The following PDE1C variants were observed in gnomAD, a reference collection of about 807,000 sequenced individuals.
The protein encoded by PDE1C is dual specificity calcium/calmodulin-dependent 3',5'-cyclic nucleotide phosphodiesterase 1C.
Under a neutral mutation model 93.1 loss-of-function variants are expected in PDE1C, and 62 were observed. That is an observed-to-expected ratio of 0.67 (90% CI 0.54 to 0.82). The LOEUF (loss-of-function observed/expected upper bound fraction) is 0.82, where lower values mean the gene tolerates loss of function less well. Ranked by LOEUF, PDE1C falls within the 40% of genes least tolerant of loss-of-function variation. The probability of loss-of-function intolerance (pLI) is 0.00; values close to 1 mark genes in which losing one functional copy is unlikely to be tolerated. For synonymous variants in PDE1C, 325 were observed against 310.1 expected (o/e 1.05, Z -0.50); for missense variants, 742 against 884.6 (o/e 0.84, Z 2.04).
chr7:31,764,729 C>A (rs557738174), intron 17 of PDE1C, among the ~76,000 whole-genome samples: 2 of 152,326 alleles, frequency 1.3e-5, no homozygotes, highest in African/African-American at 4.8e-5. Context: ...CCATAAATAA[C>A]TCAATCCTGC....
intron 1 of PDE1C, among the ~76,000 whole-genome samples, chr7:32,328,475 G>A (rs1783446609): frequency 6.6e-6 from 1 of 152,178 alleles, no homozygotes. Flanking sequence ...TCTGCCTGCT[G>A]CAGACCTGCC....
At chr7:31,955,559 G>A (rs1808013826) in intron 2 of PDE1C, among the ~76,000 whole-genome samples, 1 of 152,092 alleles carries the variant, frequency 6.6e-6, no homozygotes, top group African/African-American at 2.4e-5. Context: ...AAAATGGGGT[G>A]GGGCAGTATA....
At chr7:31,622,913 A>T in the PDE1C span, among the ~76,000 whole-genome samples, 1 of 152,242 alleles carries the variant, frequency 6.6e-6, no homozygotes, top group Non-Finnish European at 1.5e-5. Context: ...ATAAAAAATG[A>T]TAAAGGGGAT....
At chr7:32,070,056 T>TC (rs995275991) in intron 1 of PDE1C, among the ~76,000 whole-genome samples, 8 of 151,804 alleles carry the variant, frequency 5.3e-5, no homozygotes, top group African/African-American at 1.9e-4. Flanking sequence ...CATCTCTCCT[T>TC]CCCCCCAAAA....
chr7:32,360,028 T>G (rs1400746129), intron 1 of PDE1C, among the ~76,000 whole-genome samples: 1 of 152,156 alleles, frequency 6.6e-6, no homozygotes, highest in East Asian at 1.9e-4. Flanking sequence ...GATTGCAGAT[T>G]TCTGGGAGAA....
intron 1 of PDE1C, among the ~76,000 whole-genome samples, chr7:32,329,444 G>A (rs1226077935): frequency 3.3e-5 from 5 of 152,226 alleles, no homozygotes; most frequent in Non-Finnish European, 7.4e-5. Flanking sequence ...CTCAATTGCC[G>A]ATGAGCTTTT....
At chr7:32,255,045 T>C (rs1809682099) in intron 1 of PDE1C, among the ~76,000 whole-genome samples, 1 of 152,170 alleles carries the variant, frequency 6.6e-6, no homozygotes, top group South Asian at 2.1e-4. Context: ...CCTTTCCCCA[T>C]TGCCAAAGTA....
chr7:32,285,709 G>A (rs1276373251), intron 1 of PDE1C, among the ~76,000 whole-genome samples: 1 of 149,912 alleles, frequency 6.7e-6, no homozygotes, highest in East Asian at 2.0e-4. Context: ...AAGGAGAGAG[G>A]GGAGGAGAGG....
At chr7:31,978,120 C>A (rs958537996) in intron 2 of PDE1C, among the ~76,000 whole-genome samples, 3 of 152,106 alleles carry the variant, frequency 2.0e-5, no homozygotes, top group African/African-American at 7.2e-5. Context: ...ATACACTGCA[C>A]CCCCACCCAC....
the PDE1C span, among the ~76,000 whole-genome samples, chr7:31,640,640 A>T: frequency 1.4e-5 from 2 of 139,854 alleles, no homozygotes; most frequent in Non-Finnish European, 3.3e-5. Flanking sequence ...TGTCTCGAAA[A>T]ACTTTTTTTT....
intron 1 of PDE1C, among the ~76,000 whole-genome samples, chr7:32,239,053 G>A (rs919537961): frequency 1.3e-5 from 2 of 152,164 alleles, no homozygotes; most frequent in Admixed American, 6.5e-5. Context: ...AATTGCTTGA[G>A]GCCAGGGGTT....
chr7:31,674,786 T>A, the PDE1C span, among the ~76,000 whole-genome samples: 1 of 152,178 alleles, frequency 6.6e-6, no homozygotes, highest in Non-Finnish European at 1.5e-5. Context: ...AATACTTAAA[T>A]GGGAGGGCAA....
At chr7:32,106,707 C>T (rs1359844464) in intron 3 of PDE1C, among the ~76,000 whole-genome samples, 3 of 152,222 alleles carry the variant, frequency 2.0e-5, no homozygotes, top group Non-Finnish European at 4.4e-5. Context: ...CAACCCAATT[C>T]CTCAAGAATT....
At chr7:31,880,294 G>GT (rs1232476404) in intron 3 of PDE1C, among the ~76,000 whole-genome samples, 1 of 152,144 alleles carries the variant, frequency 6.6e-6, no homozygotes. Context: ...AGCGACATAC[G>GT]TAAGACTGAA....
intron 2 of PDE1C, among the ~76,000 whole-genome samples, chr7:32,025,206 T>A (rs553254409): frequency 6.6e-6 from 1 of 152,232 alleles, no homozygotes; most frequent in African/African-American, 2.4e-5. Context: ...AAACTGGGCT[T>A]TTATGGCTGA....
chr7:32,067,078 G>A (rs891173446), intron 1 of PDE1C, among the ~76,000 whole-genome samples: 11 of 152,168 alleles, frequency 7.2e-5, no homozygotes, highest in Admixed American at 5.9e-4. Flanking sequence ...GGGCATGGGC[G>A]CCATCATCAT....
chr7:32,206,504 A>G (rs1041788872), intron 2 of PDE1C, among the ~76,000 whole-genome samples: 1 of 152,184 alleles, frequency 6.6e-6, no homozygotes, highest in Non-Finnish European at 1.5e-5. Context: ...AAGGGACCCC[A>G]CAGCCAGCTG....
intron 2 of PDE1C, among the ~76,000 whole-genome samples, chr7:31,988,364 A>G (rs568609257): frequency 6.6e-6 from 1 of 152,240 alleles, no homozygotes; most frequent in Admixed American, 6.5e-5. Context: ...GCCAACATGT[A>G]TAAGTCACTT....
chr7:31,706,522 C>T, the PDE1C span, among the ~76,000 whole-genome samples: 1 of 152,170 alleles, frequency 6.6e-6, no homozygotes, highest in Non-Finnish European at 1.5e-5. Flanking sequence ...AGTACACTTT[C>T]CTTATTTTCT....
Sources: allele counts gnomAD v4.1 joint callset (sites outside exome capture counted in the v4.1 genomes callset), GRCh38; gene constraint gnomAD v4.1.1; transcripts MANE v1.5; gene names NCBI Gene and HGNC (gene_info 2026-07-23, HGNC 2026-07-21).